Variants in OCA2 observed in about 807,000 individuals in gnomAD.
OCA2 encodes OCA2 melanosomal transmembrane protein.
Under a neutral mutation model 100.2 loss-of-function variants are expected in OCA2, and 77 were observed. The ratio of observed to expected loss-of-function variants is 0.77; its 90% CI spans 0.64 to 0.93. OCA2 has a LOEUF of 0.93. Ranked by LOEUF, OCA2 falls within the 40% of genes least tolerant of loss-of-function variation. The pLI is 0.00. For synonymous variants in OCA2, 432 were observed against 439.2 expected (o/e 0.98, Z 0.21); for missense variants, 1,062 against 1,089.1 (o/e 0.98, Z 0.35).
intron 19 of OCA2, among the ~76,000 whole-genome samples, chr15:27,925,748 A>C (rs2039019633): frequency 6.6e-6 from 1 of 152,222 alleles, no homozygotes; most frequent in Admixed American, 6.5e-5. Context: ...TTCCGTGATA[A>C]CGGAAATGTT....
intron 4 of OCA2, among the ~76,000 whole-genome samples, chr15:28,025,308 G>C (rs2042716134): frequency 6.6e-6 from 1 of 152,128 alleles, no homozygotes; most frequent in South Asian, 2.1e-4. Context: ...ATACAGATTT[G>C]ATCATCAAAT....
At chr15:27,800,454 AG>A (rs1487969972) in intron 23 of OCA2, among the ~76,000 whole-genome samples, 4 of 152,234 alleles carry the variant, frequency 2.6e-5, no homozygotes, top group Non-Finnish European at 5.9e-5. Context: ...AAGAATGATC[AG>A]AAAAAAATAC....
intron 9 of OCA2, among the ~76,000 whole-genome samples, chr15:28,000,856 AG>A (rs1427768621): frequency 6.6e-6 from 1 of 152,206 alleles, no homozygotes; most frequent in African/African-American, 2.4e-5. Flanking sequence ...GTACATGAAA[AG>A]GTGCTTAGCA....
chr15:27,939,021 A>G (rs1213317536), intron 18 of OCA2, among the ~76,000 whole-genome samples: 2 of 152,204 alleles, frequency 1.3e-5, no homozygotes, highest in East Asian at 3.9e-4. Flanking sequence ...TGCTGAGGCC[A>G]TGGGGGAACC....
intron 2 of OCA2, among the ~76,000 whole-genome samples, chr15:28,052,964 T>A (rs891608467): frequency 6.6e-6 from 1 of 152,150 alleles, no homozygotes; most frequent in African/African-American, 2.4e-5. Flanking sequence ...GGGATGGCGA[T>A]GGCAATGACT....
intron 18 of OCA2, among the ~76,000 whole-genome samples, chr15:27,931,713 C>T (rs2039257658): frequency 6.6e-6 from 1 of 152,194 alleles, no homozygotes; most frequent in African/African-American, 2.4e-5. Context: ...TCTTACTCTA[C>T]CTTCAAGGGC....
intron 2 of OCA2, among the ~76,000 whole-genome samples, chr15:28,059,140 GT>G (rs2043795888): frequency 6.6e-6 from 1 of 152,206 alleles, no homozygotes; most frequent in Admixed American, 6.5e-5. Flanking sequence ...AGCCTGCCCT[GT>G]CCACTCAAGC....
chr15:28,049,199 C>T (rs2141543998), intron 2 of OCA2, among the ~76,000 whole-genome samples: 1 of 152,156 alleles, frequency 6.6e-6, no homozygotes, highest in African/African-American at 2.4e-5. Context: ...AGAAGATATA[C>T]AGAAGGCCAA....
chr15:27,949,138 A>G (rs1294863915), intron 18 of OCA2, among the ~76,000 whole-genome samples: 1 of 152,258 alleles, frequency 6.6e-6, no homozygotes, highest in African/African-American at 2.4e-5. Context: ...TAGGATTCCT[A>G]AATGAAGGAA....
At chr15:28,025,570 C>A (rs560822604) in intron 4 of OCA2, among the ~76,000 whole-genome samples, 1 of 152,326 alleles carries the variant, frequency 6.6e-6, no homozygotes, top group African/African-American at 2.4e-5. Flanking sequence ...CTTGCTGCTC[C>A]CAGACCGGAC....
At chr15:27,969,251 G>T (rs1402408940) in intron 14 of OCA2, among the ~76,000 whole-genome samples, 1 of 152,034 alleles carries the variant, frequency 6.6e-6, no homozygotes, top group African/African-American at 2.4e-5. Flanking sequence ...AAGTAAGGAG[G>T]TCCTGGGTGT....
intron 19 of OCA2, among the ~76,000 whole-genome samples, chr15:27,910,932 G>A (rs367766482): frequency 2.0e-4 from 30 of 151,522 alleles, no homozygotes; most frequent in African/African-American, 7.3e-4. Flanking sequence ...CTCCAGCCTG[G>A]GCAACAGAGT....
intron 2 of OCA2, among the ~76,000 whole-genome samples, chr15:28,040,560 G>A (rs2043173078): frequency 6.6e-6 from 1 of 152,086 alleles, no homozygotes; most frequent in African/African-American, 2.4e-5. Flanking sequence ...CCAAAAGTTG[G>A]TTTTTTGAAG....
At chr15:27,734,903 C>T in the OCA2 span, among the ~76,000 whole-genome samples, 2 of 152,174 alleles carry the variant, frequency 1.3e-5, no homozygotes, top group African/African-American at 4.8e-5. Flanking sequence ...GAAATAAGCT[C>T]CTACTTCTTG....
Position 28,081,510 on chromosome 15 carries a change from G to A in OCA2, c.227+138C>T, listed in dbSNP as rs112464004. On this transcript the variant is annotated intron_variant, in intron 2 of 23. Coordinates refer to ENST00000354638, the MANE Select transcript of OCA2 (RefSeq NM_000275.3). ...ATATCAGTCATCAAAAACTAAGCCAGGAAAGTGATCTAATGCTGGAAAAAT... is the reference window on the plus strand; with the variant it reads ...ATATCAGTCATCAAAAACTAAGCCAAGAAAGTGATCTAATGCTGGAAAAAT... 1.5e-3 allele frequency: 1,136 copies of A among 737,392 alleles called. 11 individuals carry two copies. The African/African-American group carries it at 0.018, about 11-fold the overall frequency. 45.7% of individuals were successfully genotyped at this position (737,392 alleles called of 1,614,324 possible).
intron 23 of OCA2, among the ~76,000 whole-genome samples, chr15:27,810,523 A>T (rs191680866): frequency 1.1e-4 from 17 of 152,374 alleles, no homozygotes; most frequent in Admixed American, 3.3e-4. Flanking sequence ...TAATTAAGTT[A>T]AAAAACTTCT....
chr15:27,755,246 AG>A lies in OCA2; in HGVS notation c.*141del, dbSNP rs1381438681. ...CGCTTGAATTAGAGTGTTAGTGTCAAGGTCTATTCCACTGTGTCTCTGTAGC... is the reference window on the plus strand; with the variant it reads ...CGCTTGAATTAGAGTGTTAGTGTCAAGTCTATTCCACTGTGTCTCTGTAGC... On this transcript the variant is annotated 3_prime_UTR_variant, in exon 24 of 24. Coordinates refer to ENST00000354638, the MANE Select transcript of OCA2 (RefSeq NM_000275.3). The A allele has an allele frequency of 4.4e-6, 3 of 689,350 alleles. No individual in the cohort carries two copies. In the African/African-American group the frequency reaches 5.3e-5, roughly 12 times the overall value. The allele number at this position is 689,350 out of a possible 1,614,324, so 42.7% of individuals were successfully genotyped here. A position where few individuals can be genotyped will look rare whatever the true frequency, so the allele number is the denominator to read the frequency against.
Position 28,081,790 on chromosome 15 carries a change from C to G in OCA2, c.85G>C (p.Ala29Pro). Residue 29 changes from alanine (A) to proline (P), a missense_variant, in exon 2 of 24, where the codon GCT becomes CCT. Ala to Pro is a conservative substitution (Grantham distance 27, BLOSUM62 -1). Coordinates refer to ENST00000354638, the MANE Select transcript of OCA2 (RefSeq NM_000275.3). ...CTGCGCTTGCCGGCCACAAGTTCAG[C>G]GAGTCCGCTGGGCACGGACGTCTGC... ...LLQTSVPSGL[A>P]ELVAGKRRLP... is the part of the protein sequence containing the mutation. The G allele has an allele frequency of 6.2e-7, 1 of 1,612,958 alleles. No individual in the cohort carries two copies. The highest frequency in any genetic ancestry group is 1.3e-5 in the African/African-American group (1 of 75,064).
intron 9 of OCA2, among the ~76,000 whole-genome samples, chr15:28,004,215 C>A: frequency 6.8e-6 from 1 of 147,254 alleles, no homozygotes; most frequent in South Asian, 2.1e-4. Flanking sequence ...ACAGCAGAAG[C>A]TGCCGGCCCT....
Sources: allele counts gnomAD v4.1 joint callset (sites outside exome capture counted in the v4.1 genomes callset), GRCh38; gene constraint gnomAD v4.1.1; transcripts MANE v1.5; gene names NCBI Gene and HGNC (gene_info 2026-07-23, HGNC 2026-07-21).